Variants in ANK2 observed in about 807,000 individuals in gnomAD.
The protein encoded by ANK2 is ankyrin 2, also known as ankyrin-2.
In ANK2, 83 loss-of-function variants were observed where a neutral mutation model predicts 360.5. The ratio of observed to expected loss-of-function variants is 0.23; its 90% confidence interval spans 0.19 to 0.28. The LOEUF is 0.28. Ranked by LOEUF, ANK2 falls within the 10% of genes least tolerant of loss-of-function variation. The pLI is 1.00. For synonymous variants in ANK2, 1,740 were observed against 1,759.5 expected, an observed-to-expected ratio of 0.99 and a Z score of 0.28; for missense variants, 4,201 against 4,795.7, an observed-to-expected ratio of 0.88 and a Z score of 3.66.
intron 1 of ANK2, among the ~76,000 whole-genome samples, chr4:112,886,461 G>A (rs1482490238): frequency 3.9e-5 from 6 of 151,998 alleles, no homozygotes; most frequent in African/African-American, 7.3e-5. Context: ...TCAGGAGTTC[G>A]AGACCAGCCT....
intron 14 of ANK2, among the ~76,000 whole-genome samples, chr4:113,269,459 G>A (rs1002061415): frequency 2.6e-5 from 4 of 152,354 alleles, no homozygotes; most frequent in African/African-American, 4.8e-5. Flanking sequence ...TGGGAAATGC[G>A]TAGTATCTGG....
chr4:113,133,895 A>C (rs1044791245), intron 1 of ANK2, among the ~76,000 whole-genome samples: 12 of 152,334 alleles, frequency 7.9e-5, no homozygotes, highest in African/African-American at 2.2e-4. Context: ...AAAGAAGAGT[A>C]GCTGGGATGA....
At chr4:113,164,165 C>T (rs1375549795) in intron 1 of ANK2, among the ~76,000 whole-genome samples, 1 of 152,080 alleles carries the variant, frequency 6.6e-6, no homozygotes, top group Non-Finnish European at 1.5e-5. Flanking sequence ...TTTGGGAGGC[C>T]AAGGCGGGAG....
chr4:113,191,677 G>A (rs1013510672), intron 2 of ANK2, among the ~76,000 whole-genome samples: 1 of 152,126 alleles, frequency 6.6e-6, no homozygotes, highest in Non-Finnish European at 1.5e-5. Context: ...ATGTAACTGG[G>A]AAATAATAAT....
the ANK2 span, among the ~76,000 whole-genome samples, chr4:112,736,493 A>T: frequency 6.6e-6 from 1 of 151,916 alleles, no homozygotes; most frequent in Non-Finnish European, 1.5e-5. Flanking sequence ...AGAACCATAA[A>T]GTTTTAGAGA....
chr4:113,014,848 C>CTTTTTTTTTTTTTTT (rs530387481), intron 2 of ANK2, among the ~76,000 whole-genome samples: 1 of 70,288 alleles, frequency 1.4e-5, no homozygotes, highest in African/African-American at 5.8e-5. Flanking sequence ...GATCATAGAG[C>CTTTTTTTTTTTTTTT]TTTTTTTTTT....
chr4:112,864,431 TC>T (rs1447757755), intron 1 of ANK2, among the ~76,000 whole-genome samples: 1 of 152,038 alleles, frequency 6.6e-6, no homozygotes, highest in Non-Finnish European at 1.5e-5. Flanking sequence ...TGCCTCAGCT[TC>T]CCGAGTAGCT....
chr4:113,140,589 C>T (rs971927222), intron 1 of ANK2, among the ~76,000 whole-genome samples: 37 of 152,146 alleles, frequency 2.4e-4, no homozygotes, highest in African/African-American at 8.4e-4. Context: ...AAATTTAATT[C>T]AATGACTCTG....
chr4:113,324,799 AT>A (rs1394844335), intron 26 of ANK2, among the ~76,000 whole-genome samples: 1 of 152,018 alleles, frequency 6.6e-6, no homozygotes, highest in Middle Eastern at 3.4e-3. Flanking sequence ...CACTCTGATG[AT>A]TTTTTTTCCT....
chr4:112,760,991 T>G, the ANK2 span, among the ~76,000 whole-genome samples: 1 of 151,716 alleles, frequency 6.6e-6, no homozygotes, highest in African/African-American at 2.4e-5. Flanking sequence ...ATTTTATTAG[T>G]AGAGACAGGG....
At chr4:113,164,992 T>C (rs776115137) in intron 1 of ANK2, among the ~76,000 whole-genome samples, 3 of 152,210 alleles carry the variant, frequency 2.0e-5, no homozygotes, top group Non-Finnish European at 4.4e-5. Context: ...TAGGTGGTTG[T>C]AATTCATTTA....
intron 26 of ANK2, among the ~76,000 whole-genome samples, chr4:113,329,619 T>G (rs1323060166): frequency 6.6e-6 from 1 of 152,182 alleles, no homozygotes; most frequent in Non-Finnish European, 1.5e-5. Context: ...TTCATTTCAA[T>G]TAGAATGGTA....
intron 2 of ANK2, among the ~76,000 whole-genome samples, chr4:112,957,973 G>A (rs2031543945): frequency 6.6e-6 from 1 of 150,946 alleles, no homozygotes; most frequent in Admixed American, 6.6e-5. Context: ...CGGGGCAGAG[G>A]CGCTCCCCAC....
intron 2 of ANK2, among the ~76,000 whole-genome samples, chr4:112,977,591 T>C (rs1235409801): frequency 6.6e-6 from 1 of 151,862 alleles, no homozygotes; most frequent in Non-Finnish European, 1.5e-5. Context: ...TTACTTTAAG[T>C]TCTGGGATAC....
chr4:112,930,673 G>C (rs1389766386), intron 2 of ANK2, among the ~76,000 whole-genome samples: 3 of 152,046 alleles, frequency 2.0e-5, no homozygotes, highest in Admixed American at 6.5e-5. Context: ...CAGATCATGA[G>C]GTCAGGAGTT....
At chr4:113,003,366 G>A (rs939766500) in intron 2 of ANK2, among the ~76,000 whole-genome samples, 1 of 151,728 alleles carries the variant, frequency 6.6e-6, no homozygotes, top group African/African-American at 2.4e-5. Flanking sequence ...ACCTCCCTGA[G>A]ATATTATAGA....
At chr4:113,015,569 C>A (rs148929671) in intron 2 of ANK2, among the ~76,000 whole-genome samples, 1 of 152,220 alleles carries the variant, frequency 6.6e-6, no homozygotes, top group East Asian at 1.9e-4. Context: ...GCTTACTGCC[C>A]TTAATTCAAC....
At chr4:112,767,071 A>C in the ANK2 span, among the ~76,000 whole-genome samples, 3 of 152,206 alleles carry the variant, frequency 2.0e-5, no homozygotes, top group African/African-American at 7.2e-5. Context: ...TTATGATGTA[A>C]AGCATCATCT....
intron 45 of ANK2, chr4:113,375,047 C>T: frequency 3.8e-6 from 2 of 523,480 alleles, no homozygotes; most frequent in Non-Finnish European, 2.5e-6. Context: ...TACATGAATT[C>T]ATGGAAAGGT....
Sources: gnomAD v4.1 joint callset for allele counts (sites outside exome capture counted in the v4.1 genomes callset) on GRCh38, gnomAD v4.1.1 for gene constraint, MANE v1.5 for transcripts, NCBI Gene and HGNC (gene_info 2026-07-23, HGNC 2026-07-21) for gene names.